The following NCKAP5 variants were observed in gnomAD, a reference collection of about 807,000 sequenced individuals.
The protein encoded by NCKAP5 is nck-associated protein 5.
Under a neutral mutation model 167.0 loss-of-function variants are expected in NCKAP5, and 92 were observed. That is an observed-to-expected ratio of 0.55 (90% confidence interval 0.47 to 0.66). The LOEUF (loss-of-function observed/expected upper bound fraction) is 0.66, where lower values mean the gene tolerates loss of function less well. Among genes scored for constraint, NCKAP5 ranks in the 30% least tolerant of loss-of-function variants. The probability of loss-of-function intolerance (pLI) is 0.00; values close to 1 mark genes in which losing one functional copy is unlikely to be tolerated. For missense variants in NCKAP5, 2,378 were observed against 2,315.0 expected (o/e 1.03, Z -0.56); for synonymous variants, 891 against 877.4 (o/e 1.02, Z -0.27).
intron 6 of NCKAP5, among the ~76,000 whole-genome samples, chr2:133,066,947 C>A (rs1167802454): frequency 6.6e-6 from 1 of 152,214 alleles, no homozygotes; most frequent in African/African-American, 2.4e-5. Flanking sequence ...GCAGTTATAA[C>A]ATTCAAGTGG....
chr2:133,185,950 ATTTC>A (rs2084929055), intron 5 of NCKAP5, among the ~76,000 whole-genome samples: 1 of 151,986 alleles, frequency 6.6e-6, no homozygotes, highest in Non-Finnish European at 1.5e-5. Flanking sequence ...ATGCCTTTTT[ATTTC>A]TTTCTCTTGC....
At chr2:133,422,040 G>A (rs1485566316) in intron 3 of NCKAP5, among the ~76,000 whole-genome samples, 1 of 152,202 alleles carries the variant, frequency 6.6e-6, no homozygotes, top group Non-Finnish European at 1.5e-5. Flanking sequence ...TCTAGTGGAG[G>A]AAACAGACAA....
At chr2:132,796,460 C>G (rs534575985) in intron 12 of NCKAP5, among the ~76,000 whole-genome samples, 168 bp downstream of exon 12, 2 of 152,232 alleles carry the variant, frequency 1.3e-5, no homozygotes, top group South Asian at 4.1e-4. Context: ...CTTACTATAT[C>G]AGCTGGGGGA....
At chr2:133,502,023 G>A (rs529175183) in intron 3 of NCKAP5, among the ~76,000 whole-genome samples, 123 of 152,294 alleles carry the variant, frequency 8.1e-4, no homozygotes, top group African/African-American at 2.8e-3. Context: ...TCCAGGCTCC[G>A]TAGATCCTTG....
At chr2:133,308,581 T>C (rs79461878) in intron 3 of NCKAP5, among the ~76,000 whole-genome samples, 1,648 of 152,096 alleles carry the variant, frequency 0.011, 30 homozygotes, top group African/African-American at 0.034. Flanking sequence ...ATGATATTCA[T>C]TGAAATACTA....
At chr2:132,742,857 TG>T (rs1369960352) in intron 16 of NCKAP5, among the ~76,000 whole-genome samples, 1 of 151,912 alleles carries the variant, frequency 6.6e-6, no homozygotes, top group Non-Finnish European at 1.5e-5. Context: ...GTAGTTGAAA[TG>T]TTGACGAAGG....
At chr2:132,866,569 T>C (rs947278482) in intron 10 of NCKAP5, among the ~76,000 whole-genome samples, 4 of 152,206 alleles carry the variant, frequency 2.6e-5, no homozygotes, top group African/African-American at 7.2e-5. Context: ...AATTTTTTTT[T>C]TCTATCAGTA....
At chr2:133,430,834 T>C (rs11883588) in intron 3 of NCKAP5, among the ~76,000 whole-genome samples, 53,749 of 148,980 alleles carry the variant, frequency 0.36, 10,728 homozygotes, top group African/African-American at 0.54. Flanking sequence ...ACTGGGTCCT[T>C]AAGGTGGATT....
chr2:132,817,514 G>A lies in NCKAP5; in HGVS notation c.808-20785C>T, dbSNP rs905177988. Among the ~76,000 whole-genome samples the A allele has an allele frequency of 2.0e-5, 3 of 152,146 alleles. No homozygotes were observed. In the East Asian group the frequency reaches 5.8e-4, roughly 29 times the overall value. On this transcript the variant is annotated intron_variant, in intron 11 of 19. Transcript: ENST00000409261. ...TTAAGAAATTCCCTGATGTTTTTGT[G>A]TATAAAGAGGTTAATTTGAACTTAT...
intron 16 of NCKAP5, among the ~76,000 whole-genome samples, chr2:132,762,830 T>G (rs1040240605): frequency 6.6e-6 from 1 of 152,236 alleles, no homozygotes; most frequent in African/African-American, 2.4e-5. Flanking sequence ...TGATGCTCAC[T>G]GTGTGCCTTT....
At chr2:132,804,810 A>T (rs1183106839) in intron 11 of NCKAP5, among the ~76,000 whole-genome samples, 1 of 152,096 alleles carries the variant, frequency 6.6e-6, no homozygotes, top group African/African-American at 2.4e-5. Flanking sequence ...GAAGGAAGGC[A>T]TCTGAAGTCA....
At chr2:133,205,898 T>C (rs576800568) in intron 5 of NCKAP5, among the ~76,000 whole-genome samples, 1 of 152,290 alleles carries the variant, frequency 6.6e-6, no homozygotes, top group African/African-American at 2.4e-5. Context: ...GGGCTGATGA[T>C]TGATATGTAG....
chr2:133,175,653 TC>T (rs377334436), intron 5 of NCKAP5, among the ~76,000 whole-genome samples: 79 of 152,272 alleles, frequency 5.2e-4, no homozygotes, highest in African/African-American at 1.8e-3. Flanking sequence ...TCACTTGGAG[TC>T]ACTAGTAAGA....
intron 7 of NCKAP5, among the ~76,000 whole-genome samples, chr2:132,968,628 G>C (rs1010698500): frequency 1.3e-5 from 2 of 152,156 alleles, no homozygotes; most frequent in African/African-American, 2.4e-5. Context: ...GAAATGACAA[G>C]AGAACAGAAA....
chr2:133,401,049 A>G (rs993029789), intron 3 of NCKAP5, among the ~76,000 whole-genome samples: 2 of 152,142 alleles, frequency 1.3e-5, no homozygotes, highest in Non-Finnish European at 2.9e-5. Flanking sequence ...TGCTAGAGGA[A>G]CCAACCATGA....
intron 8 of NCKAP5, among the ~76,000 whole-genome samples, chr2:132,886,513 A>C (rs1692233249): frequency 6.6e-6 from 1 of 152,208 alleles, no homozygotes; most frequent in Admixed American, 6.5e-5. Flanking sequence ...GTCCCTGTCT[A>C]GTCCAGGATC....
intron 19 of NCKAP5, among the ~76,000 whole-genome samples, chr2:132,681,177 GA>G (rs1379241565): frequency 1.3e-5 from 2 of 152,008 alleles, no homozygotes; most frequent in African/African-American, 4.8e-5. Context: ...ATGCAGGAAT[GA>G]TAATTGAGCA....
chr2:133,292,943 A>G lies in NCKAP5; in HGVS notation c.143+10094T>C, dbSNP rs1048263197. On this transcript the variant is annotated intron_variant, in intron 4 of 19. Transcript: ENST00000409261. ...GTCATCCTCTGTACTGTTAGAGCTTAAAGTCTTAAAGACAATTCAAATTCA... is the reference window on the plus strand; with the variant it reads ...GTCATCCTCTGTACTGTTAGAGCTTGAAGTCTTAAAGACAATTCAAATTCA... 1.2e-4 allele frequency among the ~76,000 whole-genome samples: 19 copies of G among 152,322 alleles called. 1 individual carries two copies. The South Asian group carries it at 3.9e-3, about 32-fold the overall frequency.
rs563489455 is a variant in NCKAP5 at position 132,941,869 on chromosome 2, T to C, written c.579+21851A>G. On this transcript the variant is annotated intron_variant, in intron 8 of 19. Coordinates refer to ENST00000409261, the MANE Select transcript of NCKAP5 (RefSeq NM_207363.3). ...GAAACCATTGTAGTTCTATATCATGTAGTCACAATTGCCTGTGTTCATTCA... is the reference window on the plus strand; with the variant it reads ...GAAACCATTGTAGTTCTATATCATGCAGTCACAATTGCCTGTGTTCATTCA... Among the ~76,000 whole-genome samples, 3 of 152,376 alleles carry C rather than the reference T, an allele frequency of 2.0e-5. No homozygotes were observed. The South Asian group carries it at 6.2e-4, about 32-fold the overall frequency.
Sources: allele counts gnomAD v4.1 joint callset (sites outside exome capture counted in the v4.1 genomes callset), GRCh38; gene constraint gnomAD v4.1.1; transcripts MANE v1.5; gene names NCBI Gene and HGNC (gene_info 2026-07-23, HGNC 2026-07-21).